Variants in IQCM observed in about 807,000 individuals in gnomAD.
IQCM encodes the protein IQ motif containing M.
Under a neutral mutation model 57.6 loss-of-function variants are expected in IQCM, and 45 were observed. That is an observed-to-expected ratio of 0.78 (90% confidence interval 0.62 to 1.00). The LOEUF (loss-of-function observed/expected upper bound fraction) is 1.00, where lower values mean the gene tolerates loss of function less well. IQCM is among the 50% of genes least tolerant of loss of function. The pLI, the probability that IQCM is intolerant of heterozygous loss-of-function variation, is 0.00. For synonymous variants in IQCM, 148 were observed against 158.9 expected (o/e 0.93, Z 0.51); for missense variants, 468 against 511.6 (o/e 0.91, Z 0.82).
chr4:149,693,714 A>C (rs1334232780), intron 5 of IQCM, among the ~76,000 whole-genome samples: 1 of 152,204 alleles, frequency 6.6e-6, no homozygotes, highest in African/African-American at 2.4e-5. Flanking sequence ...TAGTCAGAGA[A>C]CAGGTTTTGT....
intron 7 of IQCM, among the ~76,000 whole-genome samples, chr4:149,671,412 T>A (rs1351173916): frequency 6.6e-6 from 1 of 152,198 alleles, no homozygotes; most frequent in Non-Finnish European, 1.5e-5. Context: ...ATTGTGTTGA[T>A]CTTCTCAAAA....
intron 13 of IQCM, among the ~76,000 whole-genome samples, chr4:149,401,164 C>T (rs1318214255): frequency 6.6e-6 from 1 of 151,482 alleles, no homozygotes; most frequent in African/African-American, 2.4e-5. Context: ...TGATGTAAGT[C>T]CCCCCAAAAA....
chr4:149,514,010 TTA>T (rs1253347360), intron 12 of IQCM, among the ~76,000 whole-genome samples: 1 of 152,148 alleles, frequency 6.6e-6, no homozygotes, highest in African/African-American at 2.4e-5. Flanking sequence ...ATTTTCTATG[TTA>T]TGTTTGTTTT....
At chr4:149,584,970 G>A (rs1296528150) in intron 9 of IQCM, among the ~76,000 whole-genome samples, 1 of 151,642 alleles carries the variant, frequency 6.6e-6, no homozygotes, top group East Asian at 1.9e-4. Flanking sequence ...CCTTTTAACA[G>A]CCAAGTGACT....
chr4:149,635,645 A>G (rs980697623), intron 7 of IQCM, among the ~76,000 whole-genome samples: 1 of 152,184 alleles, frequency 6.6e-6, no homozygotes, highest in Non-Finnish European at 1.5e-5. Context: ...TTAAAAATTT[A>G]CAAATAACAC....
At chr4:149,716,534 C>T (rs1255777841) in intron 5 of IQCM, among the ~76,000 whole-genome samples, 1 of 152,172 alleles carries the variant, frequency 6.6e-6, no homozygotes, top group African/African-American at 2.4e-5. Context: ...GATCCTCCAA[C>T]GCGGAAGAGG....
chr4:149,785,338 T>C (rs556495053), intron 2 of IQCM, among the ~76,000 whole-genome samples: 1 of 152,306 alleles, frequency 6.6e-6, no homozygotes, highest in East Asian at 1.9e-4. Context: ...ATTTTTACCC[T>C]AGCTTTATGA....
chr4:149,553,938 C>T (rs1749286039), intron 10 of IQCM, among the ~76,000 whole-genome samples: 1 of 151,978 alleles, frequency 6.6e-6, no homozygotes. Flanking sequence ...TTTGTTTTCT[C>T]TTTTCTAAAG....
At chr4:149,624,464 C>T (rs1756624867) in intron 7 of IQCM, among the ~76,000 whole-genome samples, 1 of 152,122 alleles carries the variant, frequency 6.6e-6, no homozygotes, top group African/African-American at 2.4e-5. Flanking sequence ...ATTATTTACA[C>T]AGGTGGGAGA....
chr4:149,585,578 A>G (rs1270430970), intron 9 of IQCM, among the ~76,000 whole-genome samples: 1 of 151,620 alleles, frequency 6.6e-6, no homozygotes. Context: ...TCACTCTTTC[A>G]TATTTCTCTC....
At chr4:149,666,030 G>C (rs1162855913) in intron 7 of IQCM, 3 of 152,212 alleles carry the variant, frequency 2.0e-5, no homozygotes, top group Non-Finnish European at 4.4e-5. Context: ...TTATTTTTGA[G>C]GTTTTGGGAC....
rs543026536 is a variant in IQCM at position 149,381,521 on chromosome 4, C to G, written c.1391-29455G>C. Among the ~76,000 whole-genome samples, 3 of 152,234 alleles carry G rather than the reference C, an allele frequency of 2.0e-5. No homozygotes were observed. In the East Asian group the frequency reaches 5.8e-4, roughly 30 times the overall value. On this transcript the variant is annotated intron_variant, in intron 13 of 13. Coordinates refer to ENST00000636793, the MANE Select transcript of IQCM (RefSeq NM_001363507.2). ...CTCTTCCTGAAACACTCCAGACACT[C>G]TCTTCTCAGGCCCTTTGCCTTTGCT... is the stretch of plus-strand genomic sequence containing the variant.
intron 8 of IQCM, among the ~76,000 whole-genome samples, chr4:149,619,007 A>G (rs899245288): frequency 6.6e-6 from 1 of 151,928 alleles, no homozygotes; most frequent in Non-Finnish European, 1.5e-5. Context: ...ATCATTGTAT[A>G]CACACATTCA....
At chr4:149,730,441 G>T (rs1249727580) in intron 5 of IQCM, among the ~76,000 whole-genome samples, 1 of 152,008 alleles carries the variant, frequency 6.6e-6, no homozygotes, top group African/African-American at 2.4e-5. Context: ...CATTTAAATT[G>T]TTCTCATAAC....
At chr4:149,728,167 T>C (rs2149875551) in intron 5 of IQCM, among the ~76,000 whole-genome samples, 1 of 152,362 alleles carries the variant, frequency 6.6e-6, no homozygotes, top group Admixed American at 6.5e-5. Flanking sequence ...TTTCACTTAT[T>C]TGAAAGTTCT....
rs1461169596 is a variant in IQCM, at chr4:149,398,848, A to G, written c.1390+34548T>C. On this transcript the variant is annotated intron_variant, in intron 13 of 13. Coordinates refer to ENST00000636793, the MANE Select transcript of IQCM (RefSeq NM_001363507.2). Reference sequence around the variant, plus strand: ...CATTCTCCTGAGCAGCTGGGACTACAGGCATACATCACCATGCATGGCTAG... The same window carrying G: ...CATTCTCCTGAGCAGCTGGGACTACGGGCATACATCACCATGCATGGCTAG... Among the ~76,000 whole-genome samples, 5 of 152,100 alleles carry G rather than the reference A, an allele frequency of 3.3e-5. No homozygotes were observed. In the East Asian group the frequency reaches 9.7e-4, roughly 30 times the overall value.
intron 5 of IQCM, among the ~76,000 whole-genome samples, chr4:149,713,788 G>T (rs1489222965): frequency 1.3e-5 from 2 of 152,026 alleles, no homozygotes; most frequent in Non-Finnish European, 2.9e-5. Context: ...TATTACAACA[G>T]CTCTCATCCA....
At chr4:149,500,935 A>G (rs1226510178) in intron 12 of IQCM, among the ~76,000 whole-genome samples, 1 of 152,204 alleles carries the variant, frequency 6.6e-6, no homozygotes, top group East Asian at 1.9e-4. Flanking sequence ...TGGTTATGCT[A>G]TTCTATGCCA....
intron 5 of IQCM, among the ~76,000 whole-genome samples, chr4:149,713,429 C>T (rs529356818): frequency 2.6e-5 from 4 of 152,260 alleles, no homozygotes; most frequent in South Asian, 2.1e-4. Context: ...TTGTACTCTG[C>T]ATAATTAATG....
Sources: gnomAD v4.1 joint callset for allele counts (sites outside exome capture counted in the v4.1 genomes callset) on GRCh38, gnomAD v4.1.1 for gene constraint, MANE v1.5 for transcripts, NCBI Gene and HGNC (gene_info 2026-07-23, HGNC 2026-07-21) for gene names.